The following VPS13B variants were observed in gnomAD, a reference collection of about 807,000 sequenced individuals.
VPS13B encodes intermembrane lipid transfer protein VPS13B.
In VPS13B, 285 loss-of-function variants were observed where a neutral mutation model predicts 426.4. The ratio of observed to expected loss-of-function variants is 0.67; its 90% confidence interval spans 0.61 to 0.74. VPS13B has a LOEUF of 0.74. VPS13B is among the 30% of genes least tolerant of loss of function. VPS13B has a pLI of 0.00. For synonymous variants in VPS13B, 1,676 were observed against 1,676.4 expected (o/e 1.00, Z 0.01); for missense variants, 4,537 against 4,782.6 (o/e 0.95, Z 1.51).
At chr8:99,363,306 A>G (rs912560914) in intron 19 of VPS13B, among the ~76,000 whole-genome samples, 3 of 152,178 alleles carry the variant, frequency 2.0e-5, no homozygotes, top group Non-Finnish European at 4.4e-5. Flanking sequence ...GTTGTTGAAA[A>G]TGAGTTCACT....
At chr8:99,373,944 C>T (rs940693669) in intron 19 of VPS13B, among the ~76,000 whole-genome samples, 1 of 152,108 alleles carries the variant, frequency 6.6e-6, no homozygotes, top group East Asian at 1.9e-4. Flanking sequence ...AATTTCCTTT[C>T]AATCTAAAGC....
chr8:99,239,052 C>A (rs1816780955), intron 17 of VPS13B, among the ~76,000 whole-genome samples: 2 of 152,084 alleles, frequency 1.3e-5, no homozygotes, highest in African/African-American at 4.8e-5. Flanking sequence ...TAGGCCAGTC[C>A]TGTTTTTGTT....
chr8:99,337,513 T>TA (rs1461381395), intron 19 of VPS13B, among the ~76,000 whole-genome samples: 7 of 151,252 alleles, frequency 4.6e-5, no homozygotes, highest in African/African-American at 1.7e-4. Flanking sequence ...TAAAGTATAA[T>TA]AAAAAAGATT....
chr8:99,798,189 C>T (rs997387562), intron 43 of VPS13B, among the ~76,000 whole-genome samples: 4 of 144,006 alleles, frequency 2.8e-5, no homozygotes, highest in Non-Finnish European at 4.5e-5. Context: ...CCATCAACTG[C>T]ATTTTTATTT....
chr8:99,624,234 G>A (rs2133898707), intron 33 of VPS13B, among the ~76,000 whole-genome samples: 1 of 151,516 alleles, frequency 6.6e-6, no homozygotes, highest in African/African-American at 2.4e-5. Flanking sequence ...TTTTTCTTTT[G>A]ATGTAGTAAG....
At chr8:99,518,556 T>C (rs1197905840) in intron 29 of VPS13B, among the ~76,000 whole-genome samples, 1 of 152,184 alleles carries the variant, frequency 6.6e-6, no homozygotes, top group African/African-American at 2.4e-5. Flanking sequence ...TTTTTTCTCC[T>C]TTTGCTGTCC....
At chr8:99,575,820 T>C in intron 32 of VPS13B, 36 bp downstream of exon 32, 1 of 1,600,520 alleles carries the variant, frequency 6.2e-7, no homozygotes, top group African/African-American at 1.3e-5. Context: ...TTAGTCTAAA[T>C]AATGGAATTG....
chr8:99,485,518 A>G (rs1820254908), intron 25 of VPS13B, among the ~76,000 whole-genome samples: 1 of 152,178 alleles, frequency 6.6e-6, no homozygotes, highest in South Asian at 2.1e-4. Context: ...AGGGTGAATG[A>G]AGCTTTCAAT....
chr8:99,640,004 T>TAAGAAGAAGAAGAAGAAGAAG (rs1474132808), intron 33 of VPS13B, among the ~76,000 whole-genome samples: 1 of 75,870 alleles, frequency 1.3e-5, no homozygotes, highest in African/African-American at 5.7e-5. Context: ...ATAATAATAA[T>TAAGAAGAAGAAGAAGAAGAAG]AATAATAATA....
intron 17 of VPS13B, among the ~76,000 whole-genome samples, chr8:99,230,065 A>G (rs1009078194): frequency 1.3e-5 from 2 of 152,174 alleles, no homozygotes; most frequent in Non-Finnish European, 2.9e-5. Context: ...GTGTTTCTGT[A>G]GTAACTCATT....
At chr8:99,307,198 T>G (rs1249449669) in intron 19 of VPS13B, among the ~76,000 whole-genome samples, 2 of 152,124 alleles carry the variant, frequency 1.3e-5, no homozygotes, top group Non-Finnish European at 2.9e-5. Flanking sequence ...ATTCTATATC[T>G]TTTAATATAT....
chr8:99,602,330 G>A (rs904664122), intron 33 of VPS13B, among the ~76,000 whole-genome samples: 2 of 152,134 alleles, frequency 1.3e-5, no homozygotes, highest in African/African-American at 4.8e-5. Context: ...TTATTTCTGA[G>A]ACCTCTTTTC....
At chr8:99,162,202 A>G (rs1811697567) in intron 15 of VPS13B, among the ~76,000 whole-genome samples, 2 of 152,054 alleles carry the variant, frequency 1.3e-5, no homozygotes, top group South Asian at 4.1e-4. Flanking sequence ...AGTTTGCTAT[A>G]AAGTTTATAG....
chr8:99,620,897 A>AT, intron 33 of VPS13B, among the ~76,000 whole-genome samples: 1 of 148,252 alleles, frequency 6.7e-6, no homozygotes, highest in Non-Finnish European at 1.5e-5. Flanking sequence ...CAGGCAGGAG[A>AT]TTCGCTTGAA....
intron 29 of VPS13B, among the ~76,000 whole-genome samples, chr8:99,516,006 G>C (rs1283581860): frequency 2.0e-5 from 3 of 152,026 alleles, no homozygotes; most frequent in African/African-American, 7.2e-5. Context: ...ATCTGTGCAT[G>C]TATCTGTATC....
intron 30 of VPS13B, among the ~76,000 whole-genome samples, chr8:99,533,797 G>A (rs1023688198): frequency 7.9e-5 from 12 of 151,996 alleles, no homozygotes; most frequent in Non-Finnish European, 1.5e-4. Context: ...TCTCCTTTAT[G>A]TATCTTTATG....
intron 30 of VPS13B, among the ~76,000 whole-genome samples, chr8:99,541,452 T>C (rs1823612986): frequency 6.6e-6 from 1 of 152,150 alleles, no homozygotes; most frequent in Non-Finnish European, 1.5e-5. Context: ...ATCTAGGTTT[T>C]AAGCTCTGCA....
chr8:99,494,963 G>A (rs1468407830), intron 25 of VPS13B, among the ~76,000 whole-genome samples: 1 of 151,084 alleles, frequency 6.6e-6, no homozygotes, highest in African/African-American at 2.4e-5. Flanking sequence ...TATTTGTTAA[G>A]TCAAACACTA....
chr8:99,259,590 T>A (rs1321959035), intron 17 of VPS13B, among the ~76,000 whole-genome samples: 2 of 151,976 alleles, frequency 1.3e-5, no homozygotes, highest in African/African-American at 4.8e-5. Context: ...ACAAAGAAGG[T>A]TTTTTGTGTT....
Sources: allele counts gnomAD v4.1 joint callset (sites outside exome capture counted in the v4.1 genomes callset), GRCh38; gene constraint gnomAD v4.1.1; transcripts MANE v1.5; gene names NCBI Gene and HGNC (gene_info 2026-07-23, HGNC 2026-07-21).